DOCK7: variants seen among roughly 807,000 people sequenced by gnomAD.
The protein encoded by DOCK7 is dedicator of cytokinesis protein 7.
DOCK7 carries 138 observed loss-of-function variants against 271.0 expected under a neutral mutation model. The ratio of observed to expected loss-of-function variants is 0.51; its 90% CI spans 0.44 to 0.59. The LOEUF (loss-of-function observed/expected upper bound fraction) is 0.59, where lower values mean the gene tolerates loss of function less well. Ranked by LOEUF, DOCK7 falls within the 20% of genes least tolerant of loss-of-function variation. DOCK7 has a pLI of 0.00. For missense variants in DOCK7, 2,066 were observed against 2,592.4 expected, an observed-to-expected ratio of 0.80 and a Z score of 4.41; for synonymous variants, 823 against 876.1, an observed-to-expected ratio of 0.94 and a Z score of 1.07.
In DOCK7 at chr1:62,588,256, A is replaced by T. The variant is rs558808046; in HGVS notation, c.1683-1632T>A. Among the ~76,000 whole-genome samples, 11 of 152,350 alleles carry T rather than the reference A, an allele frequency of 7.2e-5. No homozygotes were observed. The South Asian group carries it at 2.3e-3, about 32-fold the overall frequency. ...AGGCATTGTGTTGGGCACTAGAAAA[A>T]TAAATAGGAAGATTAAGAAGTCATT... On this transcript the variant is annotated intron_variant, in intron 14 of 49. Transcript: ENST00000635253.
chr1:62,687,985 C>T (rs1389376552), intron 1 of DOCK7, among the ~76,000 whole-genome samples: 1 of 151,938 alleles, frequency 6.6e-6, no homozygotes, highest in Non-Finnish European at 1.5e-5. Flanking sequence ...GAGTCCGCGG[C>T]CCTCTCCGCT....
chr1:62,651,012 G>A (rs1170816814), intron 4 of DOCK7, among the ~76,000 whole-genome samples: 7 of 150,088 alleles, frequency 4.7e-5, no homozygotes, highest in South Asian at 2.1e-4. Context: ...TTACTGCGGT[G>A]CTATTCACAA....
chr1:62,462,147 C>T (rs145517825), intron 48 of DOCK7, among the ~76,000 whole-genome samples: 77 of 151,492 alleles, frequency 5.1e-4, no homozygotes, highest in Non-Finnish European at 9.1e-4. Context: ...AAGACCTCTA[C>T]ACAAAAAATT....
Position 62,504,699 on chromosome 1 carries a change from G to T in DOCK7, c.4695C>A (p.Ile1565=), listed in dbSNP as rs761945131. Residue 1565 remains isoleucine, a synonymous_variant, in exon 37 of 50, where the codon ATC becomes ATA. Coordinates refer to ENST00000635253, the MANE Select transcript of DOCK7 (RefSeq NM_001367561.1). The stretch of plus-strand genomic sequence containing the variant: ...CACTGGCGTGTGACCGTATTGTACC[G>T]ATGCTACTGCTACAGTGTCGGAGAA... ...LRLLRHCSSS[I]GTIRSHASAS... 1.2e-6 allele frequency: 2 copies of T among 1,613,978 alleles called. No homozygotes were observed. Among genetic ancestry groups the T allele is most frequent in the Non-Finnish European group, 1.7e-6 (2 of 1,180,014 alleles).
chr1:62,488,508 C>T (rs1012710296), intron 42 of DOCK7: 5 of 173,778 alleles, frequency 2.9e-5, no homozygotes, highest in Non-Finnish European at 4.9e-5. Flanking sequence ...AGTTCAGTTG[C>T]AGTCATTAAA....
chr1:62,577,369 A>T lies in DOCK7; in HGVS notation c.2011-6T>A. On this transcript the variant is annotated splice_region_variant and splice_polypyrimidine_tract_variant and intron_variant, in intron 17 of 49. Coordinates refer to ENST00000635253, the MANE Select transcript of DOCK7 (RefSeq NM_001367561.1). Reference sequence around the variant, plus strand: ...TTCTGAAGCATTGGTATCCACTTTTAAATGAAAAGAAAACAATTTTATTTT... The same window carrying T: ...TTCTGAAGCATTGGTATCCACTTTTTAATGAAAAGAAAACAATTTTATTTT... 6.5e-7 allele frequency: 1 copy of T among 1,541,440 alleles called. No individual in the cohort carries two copies. Among genetic ancestry groups the T allele is most frequent in the South Asian group, 1.3e-5 (1 of 78,552 alleles).
intron 16 of DOCK7, among the ~76,000 whole-genome samples, chr1:62,581,571 A>G (rs1386897254): frequency 6.6e-6 from 1 of 152,178 alleles, no homozygotes; most frequent in African/African-American, 2.4e-5. Flanking sequence ...GTATTACTAA[A>G]AATAGAGTTG....
chr1:62,479,353 T>C (rs1646052453), intron 43 of DOCK7, among the ~76,000 whole-genome samples: 1 of 152,146 alleles, frequency 6.6e-6, no homozygotes, highest in Non-Finnish European at 1.5e-5. Context: ...GAAAAATGTA[T>C]TTGGAGCTAA....
At chr1:62,665,562 G>C (rs2149724204) in intron 1 of DOCK7, among the ~76,000 whole-genome samples, 1 of 151,792 alleles carries the variant, frequency 6.6e-6, no homozygotes, top group South Asian at 2.1e-4. Context: ...AAATTAGCCA[G>C]GCGTGGTGGT....
At position 62,475,874 on chromosome 1, in the gene DOCK7, A is replaced by T; in HGVS notation, c.5794T>A (p.Phe1932Ile). The T allele has an allele frequency of 6.2e-7, 1 of 1,614,092 alleles. No individual in the cohort carries two copies. The highest frequency in any genetic ancestry group is 8.5e-7 in the Non-Finnish European group (1 of 1,179,964). ...TYEMKDRITY[F>I]DKNYNLRRFM... is the part of the protein sequence containing the mutation. ...CGACGAAGATTGTAATTTTTGTCGAAATAGGTGATTCTGTCCTTCATCTCA... is the reference window on the plus strand; with the variant it reads ...CGACGAAGATTGTAATTTTTGTCGATATAGGTGATTCTGTCCTTCATCTCA... Residue 1932 changes from phenylalanine (F) to isoleucine (I), a missense_variant, in exon 46 of 50, where the codon TTC becomes ATC. Around this residue, in one of 2 missense-constraint regions of DOCK7, gnomAD observed 652 missense variants for 922.1 expected, o/e 0.71. Transcript: ENST00000635253.
intron 34 of DOCK7, among the ~76,000 whole-genome samples, chr1:62,509,343 C>T (rs1218060608): frequency 7.0e-6 from 1 of 142,782 alleles, no homozygotes; most frequent in Non-Finnish European, 1.5e-5. Flanking sequence ...ATACAATTAT[C>T]AAAATTAAAC....
At chr1:62,567,407 TGAAA>T (rs1646555983) in intron 18 of DOCK7, among the ~76,000 whole-genome samples, 2 of 152,042 alleles carry the variant, frequency 1.3e-5, no homozygotes, top group Admixed American at 6.5e-5. Flanking sequence ...GGGACATGGA[TGAAA>T]CTGGAAACCA....
intron 47 of DOCK7, among the ~76,000 whole-genome samples, 173 bp downstream of exon 47, chr1:62,475,035 T>C (rs1185038223): frequency 6.6e-6 from 1 of 152,180 alleles, no homozygotes; most frequent in East Asian, 1.9e-4. Context: ...GAAATATTAT[T>C]TTAAGTGAAT....
intron 18 of DOCK7, among the ~76,000 whole-genome samples, chr1:62,568,363 C>T (rs893732152): frequency 6.0e-5 from 9 of 150,382 alleles, no homozygotes; most frequent in Admixed American, 2.0e-4. Context: ...TGCAGTGGCA[C>T]GATCTCAGCT....
rs781251659 is a variant in DOCK7 at position 62,617,052 on chromosome 1, G to A, written c.1682+1654C>T. 1.0e-4 allele frequency among the ~76,000 whole-genome samples: 15 copies of A among 147,716 alleles called. No individual in the cohort carries two copies. The South Asian group carries it at 2.1e-3, about 21-fold the overall frequency. ...AAGATACGAAAGCTTTCAGTGAAAT[G>A]AGCAAACTAAGGAAAATACATGAAA... is the stretch of plus-strand genomic sequence containing the variant. On this transcript the variant is annotated intron_variant, in intron 14 of 49. Coordinates refer to ENST00000635253, the MANE Select transcript of DOCK7 (RefSeq NM_001367561.1).
At chr1:62,663,445 G>A (rs982351332) in intron 1 of DOCK7, among the ~76,000 whole-genome samples, 1 of 151,774 alleles carries the variant, frequency 6.6e-6, no homozygotes, top group East Asian at 1.9e-4. Context: ...TCTGTAGTTG[G>A]GAGCTATAAA....
chr1:62,457,857 A>G (rs1010248425), intron 48 of DOCK7, 152 bp from the exon 49 acceptor site: 2 of 685,924 alleles, frequency 2.9e-6, no homozygotes, highest in African/African-American at 3.6e-5. Flanking sequence ...ACACATACAC[A>G]CAAAAATATA....
intron 42 of DOCK7, chr1:62,488,226 T>C (rs1395444416): frequency 6.6e-6 from 1 of 152,518 alleles, no homozygotes; most frequent in Non-Finnish European, 1.5e-5. Flanking sequence ...GGAGACTCGA[T>C]AGGATATTTT....
At chr1:62,670,088 T>C (rs1659783616) in intron 1 of DOCK7, among the ~76,000 whole-genome samples, 1 of 152,102 alleles carries the variant, frequency 6.6e-6, no homozygotes, top group Non-Finnish European at 1.5e-5. Context: ...CCACCGGTGC[T>C]GCGCTCGATT....
Sources: allele counts gnomAD v4.1 joint callset (sites outside exome capture counted in the v4.1 genomes callset), GRCh38; gene constraint gnomAD v4.1.1; regional missense constraint gnomAD v4.1.1; transcripts MANE v1.5; gene names NCBI Gene and HGNC (gene_info 2026-07-23, HGNC 2026-07-21).